SLC8A3: variants seen among roughly 807,000 people sequenced by gnomAD.
SLC8A3 encodes the protein solute carrier family 8 member A3.
In SLC8A3, 37 loss-of-function variants were observed where a neutral mutation model predicts 65.4. The observed-to-expected ratio is 0.57, with a 90% CI of 0.44 to 0.74. The LOEUF is 0.74. SLC8A3 is among the 30% of genes least tolerant of loss of function. The pLI is 0.00. For synonymous variants in SLC8A3, 461 were observed against 444.5 expected (o/e 1.04, Z -0.47); for missense variants, 1,112 against 1,172.1 (o/e 0.95, Z 0.75).
chr14:70,171,362 G>A (rs559110690), intron 1 of SLC8A3, among the ~76,000 whole-genome samples: 11 of 152,334 alleles, frequency 7.2e-5, no homozygotes, highest in African/African-American at 2.6e-4. Flanking sequence ...TAAGGAGGAT[G>A]ACGGTCTTTG....
At chr14:70,138,887 A>G (rs1895391391) in intron 2 of SLC8A3, among the ~76,000 whole-genome samples, 1 of 152,236 alleles carries the variant, frequency 6.6e-6, no homozygotes. Flanking sequence ...GCAAAGAGGA[A>G]AATAATAAAG....
chr14:70,062,894 T>C (rs1888975463), intron 2 of SLC8A3, among the ~76,000 whole-genome samples: 2 of 152,178 alleles, frequency 1.3e-5, no homozygotes, highest in Non-Finnish European at 2.9e-5. Flanking sequence ...AACAGGCATG[T>C]ACTGGAGGGC....
chr14:70,052,188 G>A lies in SLC8A3; in HGVS notation c.1889-74C>T, dbSNP rs567320185. The A allele has an allele frequency of 1.2e-3, 1,776 of 1,500,956 alleles. 3 individuals carry two copies. The highest frequency in any genetic ancestry group is 1.5e-3 in the Non-Finnish European group (1,734 of 1,131,270). The allele number at this position is 1,500,956 out of a possible 1,614,324, so 93.0% of individuals were successfully genotyped here. A position where few individuals can be genotyped will look rare whatever the true frequency, so the allele number is the denominator to read the frequency against. ...GGAAGGATACAGCTCAGAGTATTAG[G>A]CATGGGCAGTGGGTACAAAGCAAAT... On this transcript the variant is annotated intron_variant, in intron 3 of 6. Transcript: ENST00000356921.
At chr14:70,069,274 A>G (rs1437075857) in intron 2 of SLC8A3, among the ~76,000 whole-genome samples, 3 of 152,170 alleles carry the variant, frequency 2.0e-5, no homozygotes, top group Non-Finnish European at 4.4e-5. Flanking sequence ...CTGCCTCTGT[A>G]TTGTATTGTG....
At chr14:70,084,055 T>A (rs1891253846) in intron 2 of SLC8A3, among the ~76,000 whole-genome samples, 1 of 152,228 alleles carries the variant, frequency 6.6e-6, no homozygotes, top group African/African-American at 2.4e-5. Flanking sequence ...AGCCTCTATA[T>A]TCTCATCTAT....
At chr14:70,137,020 C>A (rs950628555) in intron 2 of SLC8A3, among the ~76,000 whole-genome samples, 8 of 152,182 alleles carry the variant, frequency 5.3e-5, no homozygotes, top group Non-Finnish European at 1.2e-4. Flanking sequence ...AAGGGCTAAT[C>A]AATGTAGGTA....
rs112857225 is a variant in SLC8A3 at position 70,177,728 on chromosome 14, G to T, written c.-62-9244C>A. Among the ~76,000 whole-genome samples the T allele has an allele frequency of 8.5e-3, 1,297 of 152,334 alleles. 15 individuals are homozygous for T. The highest frequency in any genetic ancestry group is 0.027 in the African/African-American group (1,143 of 41,578). ...TGAGGAATCGCTGGTAAGAGGCCTT[G>T]TGTGCCTGGCCAAGGAATGTGGGCA... On this transcript the variant is annotated intron_variant, in intron 1 of 6. Transcript: ENST00000356921.
chr14:70,051,930 G>C (rs1201790623), intron 4 of SLC8A3, 60 bp downstream of exon 4: 1 of 1,481,080 alleles, frequency 6.8e-7, no homozygotes, highest in East Asian at 2.3e-5. Flanking sequence ...AACACCCCAG[G>C]TCTTCTGCCT....
chr14:70,139,241 T>A (rs1158600524), intron 2 of SLC8A3, among the ~76,000 whole-genome samples: 1 of 152,008 alleles, frequency 6.6e-6, no homozygotes, highest in Non-Finnish European at 1.5e-5. Flanking sequence ...CTTCTCTCCC[T>A]CCTTTCATGA....
intron 1 of SLC8A3, among the ~76,000 whole-genome samples, chr14:70,180,738 T>C (rs1003339818): frequency 4.6e-5 from 7 of 152,162 alleles, no homozygotes; most frequent in Admixed American, 2.0e-4. Context: ...GGAGTTGAGA[T>C]AGGATGTCTG....
intron 1 of SLC8A3, among the ~76,000 whole-genome samples, chr14:70,170,192 T>G (rs919108073): frequency 2.6e-5 from 4 of 152,104 alleles, no homozygotes; most frequent in African/African-American, 7.2e-5. Flanking sequence ...AAGACCAAAT[T>G]CTTTCCCATG....
At chr14:70,051,154 A>G in intron 4 of SLC8A3, 47 bp from the exon 5 acceptor site, 3 of 1,281,704 alleles carry the variant, frequency 2.3e-6, no homozygotes, top group Non-Finnish European at 2.3e-6. Flanking sequence ...GAATGCTCAG[A>G]ACCAATGAGG....
At chr14:70,177,596 C>G (rs1020124182) in intron 1 of SLC8A3, among the ~76,000 whole-genome samples, 15 of 152,236 alleles carry the variant, frequency 9.9e-5, no homozygotes, top group African/African-American at 3.4e-4. Flanking sequence ...CAAACAAAGG[C>G]CACAGGAATC....
At chr14:70,118,173 A>G (rs1893786544) in intron 2 of SLC8A3, among the ~76,000 whole-genome samples, 2 of 152,206 alleles carry the variant, frequency 1.3e-5, no homozygotes, top group Admixed American at 6.5e-5. Context: ...AACCAACAAG[A>G]CATCTGAATC....
chr14:70,063,198 T>C (rs1209366690), intron 2 of SLC8A3, among the ~76,000 whole-genome samples: 1 of 152,186 alleles, frequency 6.6e-6, no homozygotes, highest in African/African-American at 2.4e-5. Context: ...ATATTTGACC[T>C]AGATCTGGAA....
intron 2 of SLC8A3, among the ~76,000 whole-genome samples, chr14:70,145,112 G>A (rs1294258785): frequency 6.6e-6 from 1 of 152,190 alleles, no homozygotes; most frequent in Non-Finnish European, 1.5e-5. Context: ...TGTTAACTGA[G>A]TATGAAATGA....
At chr14:70,105,269 C>T (rs1339485589) in intron 2 of SLC8A3, among the ~76,000 whole-genome samples, 1 of 152,088 alleles carries the variant, frequency 6.6e-6, no homozygotes, top group African/African-American at 2.4e-5. Flanking sequence ...GCAGAGCTTG[C>T]AGTGAGCCGA....
intron 2 of SLC8A3, among the ~76,000 whole-genome samples, chr14:70,132,693 G>A (rs1213898163): frequency 2.0e-5 from 3 of 152,182 alleles, no homozygotes; most frequent in African/African-American, 7.2e-5. Flanking sequence ...AGAGGGGGTA[G>A]GGGTATCTAA....
chr14:70,127,619 T>A (rs990263374), intron 2 of SLC8A3, among the ~76,000 whole-genome samples: 1 of 152,176 alleles, frequency 6.6e-6, no homozygotes, highest in African/African-American at 2.4e-5. Context: ...TGCCTCGGGA[T>A]GTCCCCTTTG....
Sources: allele counts gnomAD v4.1 joint callset (sites outside exome capture counted in the v4.1 genomes callset), GRCh38; gene constraint gnomAD v4.1.1; transcripts MANE v1.5; gene names NCBI Gene and HGNC (gene_info 2026-07-23, HGNC 2026-07-21).